The following TOP1 variants were observed in gnomAD, a reference collection of about 807,000 sequenced individuals.
The protein encoded by TOP1 is DNA topoisomerase I.
Under a neutral mutation model 111.1 loss-of-function variants are expected in TOP1, and 10 were observed. The observed-to-expected ratio is 0.09, with a 90% CI of 0.06 to 0.15. The LOEUF (loss-of-function observed/expected upper bound fraction) is 0.15, where lower values mean the gene tolerates loss of function less well. TOP1 is among the 10% of genes least tolerant of loss of function. The pLI, the probability that TOP1 is intolerant of heterozygous loss-of-function variation, is 1.00. For synonymous variants in TOP1, 271 were observed against 302.9 expected (o/e 0.89, Z 1.10); for missense variants, 474 against 926.7 (o/e 0.51, Z 6.34).
intron 3 of TOP1, among the ~76,000 whole-genome samples, chr20:41,065,641 A>C (rs1360363929): frequency 6.6e-6 from 1 of 152,164 alleles, no homozygotes; most frequent in African/African-American, 2.4e-5. Flanking sequence ...AGTACTTCAT[A>C]TAAGTGGAAT....
rs796486521 is a variant in TOP1 at position 41,073,505 on chromosome 20, CT to C, written c.156-2664del. 108 of 983,310 alleles carry C rather than the reference CT, an allele frequency of 1.1e-4. 1 individual carries two copies. In the South Asian group the frequency reaches 2.4e-3, roughly 22 times the overall value. The allele number at this position is 983,310 out of a possible 1,614,324, so 60.9% of individuals were successfully genotyped here. A position where few individuals can be genotyped will look rare whatever the true frequency, so the allele number is the denominator to read the frequency against. On this transcript the variant is annotated intron_variant, in intron 3 of 20. Transcript: ENST00000361337. The stretch of plus-strand genomic sequence containing the variant: ...CTCGATGGTAAAATAAAGCTAGGAC[CT>C]TATAGCAAGTCTCAGACTCACCATG...
chr20:41,068,368 C>T (rs1245677037), intron 3 of TOP1, among the ~76,000 whole-genome samples: 1 of 152,212 alleles, frequency 6.6e-6, no homozygotes, highest in Non-Finnish European at 1.5e-5. Flanking sequence ...TCTCTTGACA[C>T]TGCTTCTTTC....
chr20:41,090,051 G>A (rs958031188), intron 8 of TOP1, among the ~76,000 whole-genome samples: 19 of 151,930 alleles, frequency 1.3e-4, no homozygotes, highest in Non-Finnish European at 1.9e-4. Flanking sequence ...TTGGCTCACT[G>A]CAACATCTGC....
intron 13 of TOP1, among the ~76,000 whole-genome samples, chr20:41,105,935 A>G (rs1158779059): frequency 6.6e-6 from 1 of 152,150 alleles, no homozygotes; most frequent in Non-Finnish European, 1.5e-5. Flanking sequence ...TGTTCTCTTA[A>G]GTACTTCAGT....
At chr20:41,075,496 G>A (rs1049589179) in intron 3 of TOP1, among the ~76,000 whole-genome samples, 3 of 152,200 alleles carry the variant, frequency 2.0e-5, no homozygotes, top group Non-Finnish European at 4.4e-5. Flanking sequence ...TATATGTAAT[G>A]TTATTTCCCT....
At chr20:41,045,972 C>T (rs983431334) in intron 2 of TOP1, among the ~76,000 whole-genome samples, 5 of 152,108 alleles carry the variant, frequency 3.3e-5, no homozygotes, top group Admixed American at 6.6e-5. Context: ...GAACAAAATC[C>T]GATTGTAGCT....
Position 41,098,469 on chromosome 20 carries a change from T to A in TOP1, c.975+132T>A. On this transcript the variant is annotated intron_variant, in intron 11 of 20. Coordinates refer to ENST00000361337, the MANE Select transcript of TOP1 (RefSeq NM_003286.4). This position sits in a 1 kb window ranked among gnomAD's most constrained non-coding sequence, Gnocchi z 5.7. ...TCATTCTATGCTAAAGACTTAGAGTTCTCAAAGTCTAAATTTTCTTAAAGG... is the reference window on the plus strand; with the variant it reads ...TCATTCTATGCTAAAGACTTAGAGTACTCAAAGTCTAAATTTTCTTAAAGG... 9.6e-7 allele frequency: 1 copy of A among 1,036,510 alleles called. No homozygotes were observed. The highest frequency in any genetic ancestry group is 1.4e-6 in the Non-Finnish European group (1 of 725,966). The allele number at this position is 1,036,510 out of a possible 1,614,324, so 64.2% of individuals were successfully genotyped here. A position where few individuals can be genotyped will look rare whatever the true frequency, so the allele number is the denominator to read the frequency against.
intron 14 of TOP1, 70 bp from the exon 15 acceptor site, chr20:41,113,896 AAAAC>A: frequency 6.3e-6 from 8 of 1,267,032 alleles, no homozygotes; most frequent in South Asian, 3.1e-5. Flanking sequence ...AAAAAAAAAA[AAAAC>A]ACAGAACGAA....
chr20:41,088,690 A>C lies in TOP1; in HGVS notation c.615-3782A>C, dbSNP rs1285007447. On this transcript the variant is annotated intron_variant, in intron 8 of 20. Transcript: ENST00000361337. The stretch of plus-strand genomic sequence containing the variant: ...ATTTTCTCTATTTGGAGAGTAATAG[A>C]CTGTAGGATTGGGTGGTTTCCTGCA... Among the ~76,000 whole-genome samples, 3 of 152,112 alleles carry C rather than the reference A, an allele frequency of 2.0e-5. No individual in the cohort carries two copies. The East Asian group carries it at 5.8e-4, about 29-fold the overall frequency.
At position 41,122,210 on chromosome 20, in the gene TOP1, G is replaced by A; in HGVS notation, c.2195+55G>A. ...CTGCTAGCTTAAGAAAGGTGGAGGG[G>A]GTTCCGAGAGCACTGGTGGCCTTCA... On this transcript the variant is annotated intron_variant, in intron 20 of 20. Coordinates refer to ENST00000361337, the MANE Select transcript of TOP1 (RefSeq NM_003286.4). This position sits in a 1 kb window ranked among gnomAD's most constrained non-coding sequence, Gnocchi z 5.4. The A allele has an allele frequency of 6.3e-7, 1 of 1,587,886 alleles. No homozygotes were observed. The highest frequency in any genetic ancestry group is 8.6e-7 in the Non-Finnish European group (1 of 1,160,744).
chr20:41,046,496 T>A lies in TOP1; in HGVS notation c.59-14898T>A, dbSNP rs2033336151. On this transcript the variant is annotated intron_variant, in intron 2 of 20. Transcript: ENST00000361337. This position sits in a 1 kb window ranked among gnomAD's most constrained non-coding sequence, Gnocchi z 4.3. ...GACTGGGGGCGCCCATCTCTTCACTTATGATGTGTCCTTAACAGACTAAAT... is the reference window on the plus strand; with the variant it reads ...GACTGGGGGCGCCCATCTCTTCACTAATGATGTGTCCTTAACAGACTAAAT... Among the ~76,000 whole-genome samples the A allele has an allele frequency of 6.6e-6, 1 of 152,208 alleles. No homozygotes were observed. The highest frequency in any genetic ancestry group is 2.4e-5 in the African/African-American group (1 of 41,446).
In TOP1 at chr20:41,101,343, C is replaced by A. The variant is rs2145953172; in HGVS notation, c.1298C>A (p.Ser433Ter). ...SIKYIMLNPSSRIKGEKDWQK... is the reference protein window; with the variant it reads ...SIKYIMLNPS ...AAATACATCATGCTTAACCCTAGTT[C>A]ACGAATCAAGGTAAGGGGATAGTTG... Residue 433 changes from serine to a stop codon, truncating the protein, a stop_gained, in exon 13 of 21, where the codon TCA becomes TAA. Transcript: ENST00000361337. LOFTEE classifies it high-confidence loss of function. This position sits in a 1 kb window ranked among gnomAD's most constrained non-coding sequence, Gnocchi z 4.1. The A allele has an allele frequency of 6.2e-7, 1 of 1,614,002 alleles. No homozygotes were observed. The highest frequency in any genetic ancestry group is 8.5e-7 in the Non-Finnish European group (1 of 1,179,930).
chr20:41,105,558 C>G (rs2034132500), intron 13 of TOP1, among the ~76,000 whole-genome samples: 1 of 152,172 alleles, frequency 6.6e-6, no homozygotes, highest in Admixed American at 6.5e-5. Flanking sequence ...AGTACAGTGG[C>G]GTGATCTTGG....
chr20:41,042,357 T>C (rs979073509), intron 2 of TOP1, among the ~76,000 whole-genome samples: 2 of 152,258 alleles, frequency 1.3e-5, no homozygotes, highest in African/African-American at 4.8e-5. Context: ...TGCAGCTGTT[T>C]TACTGTGTGT....
At chr20:41,059,257 A>G (rs1441527456) in intron 2 of TOP1, among the ~76,000 whole-genome samples, 2 of 151,936 alleles carry the variant, frequency 1.3e-5, no homozygotes, top group Non-Finnish European at 2.9e-5. Context: ...AATCTGTACA[A>G]CAAACCTCCA....
Position 41,058,762 on chromosome 20 carries a change from A to G in TOP1, c.59-2632A>G, listed in dbSNP as rs567562014. ...AGTAACAAACAATCTTATAGTCAAGATTGTGTTTGTGTAAGGTTAGAATAG... is the reference window on the plus strand; with the variant it reads ...AGTAACAAACAATCTTATAGTCAAGGTTGTGTTTGTGTAAGGTTAGAATAG... On this transcript the variant is annotated intron_variant, in intron 2 of 20. Coordinates refer to ENST00000361337, the MANE Select transcript of TOP1 (RefSeq NM_003286.4). This position sits in a 1 kb window ranked among gnomAD's most constrained non-coding sequence, Gnocchi z 4.2. 6.6e-6 allele frequency among the ~76,000 whole-genome samples: 1 copy of G among 152,234 alleles called. No individual in the cohort carries two copies. Among genetic ancestry groups the G allele is most frequent in the East Asian group, 1.9e-4 (1 of 5,186 alleles).
chr20:41,112,693 G>A lies in TOP1; in HGVS notation c.1309-89G>A, dbSNP rs893133462. The A allele has an allele frequency of 1.3e-5, 19 of 1,438,946 alleles. No homozygotes were observed. In the African/African-American group the frequency reaches 2.4e-4, roughly 18 times the overall value. 89.1% of individuals were successfully genotyped at this position (1,438,946 alleles called of 1,614,324 possible). A position where few individuals can be genotyped will look rare whatever the true frequency, so the allele number is the denominator to read the frequency against. On this transcript the variant is annotated intron_variant, in intron 13 of 20. Coordinates refer to ENST00000361337, the MANE Select transcript of TOP1 (RefSeq NM_003286.4). This position sits in a 1 kb window ranked among gnomAD's most constrained non-coding sequence, Gnocchi z 5.8. ...TCCCTATTAGCTAGCTGGGATTATA[G>A]GCTTGCGCCACCTTGCCTGGCTATA...
In TOP1 at chr20:41,083,506, T is replaced by C. The variant is rs2033812941; in HGVS notation, c.508-956T>C. Among the ~76,000 whole-genome samples, 2 of 152,212 alleles carry C rather than the reference T, an allele frequency of 1.3e-5. No homozygotes were observed. The highest frequency in any genetic ancestry group is 2.9e-5 in the Non-Finnish European group (2 of 68,032). ...CTCTTATCATAGTTAATAACAGCTA[T>C]ATGACCTTGATCAAGTGACAAAATA... is the stretch of plus-strand genomic sequence containing the variant. On this transcript the variant is annotated intron_variant, in intron 7 of 20. Coordinates refer to ENST00000361337, the MANE Select transcript of TOP1 (RefSeq NM_003286.4). This position sits in a 1 kb window ranked among gnomAD's most constrained non-coding sequence, Gnocchi z 7.2.
rs59200685 is a variant in TOP1, at chr20:41,089,020, C to CTTTTTTTTTTTTTTTTTTTTTTTTT, written c.615-3430_615-3429insTTTTTTTTTTTTTTTTTTTTTTTTT. ...TCCCCACTTCTCTGTTGCCCCAGTT[C>CTTTTTTTTTTTTTTTTTTTTTTTTT]TTTTTTTTTTTTTTTTTTTTTTGAG... On this transcript the variant is annotated intron_variant, in intron 8 of 20. Transcript: ENST00000361337. Among the ~76,000 whole-genome samples, 48 of 77,896 alleles carry CTTTTTTTTTTTTTTTTTTTTTTTTT rather than the reference C, an allele frequency of 6.2e-4. 9 individuals carry two copies. Among genetic ancestry groups the CTTTTTTTTTTTTTTTTTTTTTTTTT allele is most frequent in the East Asian group, 3.7e-3 (6 of 1,606 alleles). The allele number at this position is 77,896 out of a possible 152,430, so 51.1% of individuals were successfully genotyped here. A position where few individuals can be genotyped will look rare whatever the true frequency, so the allele number is the denominator to read the frequency against.
Sources: allele counts gnomAD v4.1 joint callset (sites outside exome capture counted in the v4.1 genomes callset), GRCh38; gene constraint gnomAD v4.1.1; non-coding constraint Gnocchi (gnomAD v3.1); transcripts MANE v1.5; gene names NCBI Gene and HGNC (gene_info 2026-07-23, HGNC 2026-07-21).